The following RASA2 variants were observed in gnomAD, a reference collection of about 807,000 sequenced individuals.
RASA2 encodes ras GTPase-activating protein 2.
Under a neutral mutation model 118.2 loss-of-function variants are expected in RASA2, and 155 were observed. The ratio of observed to expected loss-of-function variants is 1.31; its 90% CI spans 1.15 to 1.50. The LOEUF (loss-of-function observed/expected upper bound fraction) is 1.50. Among genes scored for constraint, RASA2 ranks in the 40% most tolerant of loss-of-function variants. RASA2 has a pLI of 0.00. For synonymous variants in RASA2, 353 were observed against 349.1 expected, an observed-to-expected ratio of 1.01 and a Z score of -0.12; for missense variants, 1,016 against 1,009.6, an observed-to-expected ratio of 1.01 and a Z score of -0.09.
chr3:141,520,359 A>G (rs1328224070), intron 3 of RASA2, among the ~76,000 whole-genome samples: 1 of 152,144 alleles, frequency 6.6e-6, no homozygotes, highest in South Asian at 2.1e-4. Flanking sequence ...CAGAGGGGGA[A>G]GAATGAATCA....
chr3:141,593,208 C>T (rs1010040108), intron 19 of RASA2, among the ~76,000 whole-genome samples: 7 of 151,996 alleles, frequency 4.6e-5, no homozygotes, highest in African/African-American at 7.2e-5. Flanking sequence ...TCGCCATGCC[C>T]GGCTAATTTT....
chr3:141,596,461 C>G (rs1052459540), intron 19 of RASA2, among the ~76,000 whole-genome samples: 16 of 152,000 alleles, frequency 1.1e-4, no homozygotes. Context: ...AATGTATGGT[C>G]TATAAAAGAA....
At position 141,516,407 on chromosome 3, in the gene RASA2, GT is replaced by G; in HGVS notation, c.335del (p.Leu112TyrfsTer7). On this transcript the variant is annotated frameshift_variant, in exon 3 of 24. Coordinates refer to ENST00000286364, the MANE Select transcript of RASA2 (RefSeq NM_006506.5). LOFTEE classifies it high-confidence loss of function. ...GTCTTTCTATGTTTATGATAAGAATGTTTTACAAAGAGATCTCCGTATAGGT... is the reference window on the plus strand; with the variant it reads ...GTCTTTCTATGTTTATGATAAGAATGTTTACAAAGAGATCTCCGTATAGGT... ...YLSFYVYDKNVLQRDLRIGKV... is the reference protein window; with the variant it reads ...YLSFYVYDKNXLQRDLRIGKV... 1 of 1,550,854 alleles carries G rather than the reference GT, an allele frequency of 6.4e-7. No homozygotes were observed. Among genetic ancestry groups the G allele is most frequent in the East Asian group, 2.4e-5 (1 of 41,902 alleles).
intron 19 of RASA2, 107 bp from the exon 20 acceptor site, chr3:141,607,571 A>G (rs1295134052): frequency 8.7e-7 from 1 of 1,144,436 alleles, no homozygotes; most frequent in Non-Finnish European, 1.1e-6. Context: ...GGTTATTTAC[A>G]CTCCTACCAT....
At chr3:141,504,151 G>C (rs980117191) in intron 1 of RASA2, among the ~76,000 whole-genome samples, 1 of 152,120 alleles carries the variant, frequency 6.6e-6, no homozygotes, top group Non-Finnish European at 1.5e-5. Context: ...CAACCAAACT[G>C]CTTTTGCTTG....
At chr3:141,493,203 A>G (rs2081659343) in intron 1 of RASA2, among the ~76,000 whole-genome samples, 1 of 152,232 alleles carries the variant, frequency 6.6e-6, no homozygotes, top group Non-Finnish European at 1.5e-5. Context: ...TTTAATACAC[A>G]GAGATTATAC....
intron 3 of RASA2, among the ~76,000 whole-genome samples, chr3:141,518,757 A>C (rs1169759182): frequency 6.6e-6 from 1 of 152,030 alleles, no homozygotes; most frequent in African/African-American, 2.4e-5. Flanking sequence ...ATATGTTCTT[A>C]GTATTTGGTA....
intron 14 of RASA2, among the ~76,000 whole-genome samples, chr3:141,576,232 C>T (rs144156096): frequency 6.6e-6 from 1 of 152,072 alleles, no homozygotes; most frequent in Non-Finnish European, 1.5e-5. Flanking sequence ...GTTGTTCTTA[C>T]TACCCTAGAA....
chr3:141,584,226 G>A (rs1220487830), intron 17 of RASA2, among the ~76,000 whole-genome samples: 4 of 150,966 alleles, frequency 2.6e-5, no homozygotes, highest in Non-Finnish European at 5.9e-5. Flanking sequence ...AGTTACTCGG[G>A]AGGCTGAGGC....
intron 1 of RASA2, among the ~76,000 whole-genome samples, chr3:141,505,830 T>C (rs1014655636): frequency 2.0e-5 from 3 of 152,116 alleles, no homozygotes; most frequent in African/African-American, 7.2e-5. Flanking sequence ...TTGTGAAGGT[T>C]GAGTATCAAA....
chr3:141,610,476 T>A (rs1208800948), intron 23 of RASA2, among the ~76,000 whole-genome samples: 1 of 112,086 alleles, frequency 8.9e-6, no homozygotes, highest in Non-Finnish European at 1.6e-5. Context: ...ATTATATATA[T>A]AAATATATAT....
intron 15 of RASA2, among the ~76,000 whole-genome samples, chr3:141,577,533 A>G (rs1345153209): frequency 6.6e-6 from 1 of 152,210 alleles, no homozygotes; most frequent in East Asian, 1.9e-4. Context: ...AGAAATTTGA[A>G]GAGGCTCTTC....
chr3:141,510,915 A>G lies in RASA2; in HGVS notation c.134-1248A>G, dbSNP rs2081941441. On this transcript the variant is annotated intron_variant, in intron 1 of 23. Transcript: ENST00000286364. ...GAGGAGGAGAGTGAGTGAGTAACCT[A>G]AAGAATATGTTTCAAATATCACACT... 1.3e-5 allele frequency among the ~76,000 whole-genome samples: 2 copies of G among 152,186 alleles called. 1 individual carries two copies. Among genetic ancestry groups the G allele is most frequent in the South Asian group, 4.1e-4 (2 of 4,830 alleles).
rs565524239 is a variant in RASA2, at chr3:141,493,829, TG to T, written c.133+6614del. Among the ~76,000 whole-genome samples, 483 of 152,372 alleles carry T rather than the reference TG, an allele frequency of 3.2e-3. 2 individuals are homozygous for T. The highest frequency in any genetic ancestry group is 0.011 in the African/African-American group (456 of 41,594). On this transcript the variant is annotated intron_variant, in intron 1 of 23. Transcript: ENST00000286364. ...CATTACCAATTTGTTATATCCTTTT[TG>T]TTGTGTGTTCTTCCAGAAATTAAGC...
chr3:141,609,398 T>A, intron 21 of RASA2, 22 bp from the exon 22 acceptor site: 1 of 1,410,130 alleles, frequency 7.1e-7, no homozygotes, highest in Non-Finnish European at 9.6e-7. Context: ...ATAATATCTT[T>A]ATTTTTTTAT....
At position 141,542,682 on chromosome 3, in the gene RASA2, C is replaced by A. The variant is rs2082422185; in HGVS notation, c.527+2073C>A. Among the ~76,000 whole-genome samples, 3 of 151,944 alleles carry A rather than the reference C, an allele frequency of 2.0e-5. No individual in the cohort carries two copies. The South Asian group carries it at 6.2e-4, about 32-fold the overall frequency. On this transcript the variant is annotated intron_variant, in intron 5 of 23. Coordinates refer to ENST00000286364, the MANE Select transcript of RASA2 (RefSeq NM_006506.5). ...ATAATGTATGTATATAGTTATAGAT[C>A]ATTTTATCATGTGTGTTGATTTGTG...
chr3:141,496,738 G>A (rs533841457), intron 1 of RASA2, among the ~76,000 whole-genome samples: 56 of 152,296 alleles, frequency 3.7e-4, no homozygotes, highest in East Asian at 5.8e-4. Flanking sequence ...TAGTTCAACT[G>A]TTGTGGAAGT....
chr3:141,608,208 T>G (rs2083579252), intron 20 of RASA2, among the ~76,000 whole-genome samples: 1 of 152,220 alleles, frequency 6.6e-6, no homozygotes, highest in Non-Finnish European at 1.5e-5. Context: ...ATACTTTTTC[T>G]TCCATTAACA....
chr3:141,507,981 G>A (rs1451445369), intron 1 of RASA2, among the ~76,000 whole-genome samples: 2 of 152,164 alleles, frequency 1.3e-5, no homozygotes, highest in African/African-American at 2.4e-5. Flanking sequence ...ATTTACTGCA[G>A]GTTTAGAACC....
Sources: gnomAD v4.1 joint callset for allele counts (sites outside exome capture counted in the v4.1 genomes callset) on GRCh38, gnomAD v4.1.1 for gene constraint, MANE v1.5 for transcripts, NCBI Gene and HGNC (gene_info 2026-07-23, HGNC 2026-07-21) for gene names.